Variants in GCH1 observed in about 807,000 individuals in gnomAD.
The protein encoded by GCH1 is GTP cyclohydrolase 1, also known as GTP cyclohydrolase I.
In GCH1, 5 loss-of-function variants were observed where a neutral mutation model predicts 25.9. That is an observed-to-expected ratio of 0.19 (90% CI 0.10 to 0.41). The LOEUF is 0.41. GCH1 is among the 10% of genes least tolerant of loss of function. The probability of loss-of-function intolerance (pLI) is 1.00; values close to 1 mark genes in which losing one functional copy is unlikely to be tolerated. For synonymous variants in GCH1, 159 were observed against 129.6 expected, an observed-to-expected ratio of 1.23 and a Z score of -1.54; for missense variants, 261 against 336.5, an observed-to-expected ratio of 0.78 and a Z score of 1.75.
chr14:54,883,898 G>T (rs2040310277), intron 1 of GCH1, among the ~76,000 whole-genome samples: 2 of 152,120 alleles, frequency 1.3e-5, no homozygotes, highest in African/African-American at 4.8e-5. Flanking sequence ...AGGTGAGGCA[G>T]GAAGGACCCA....
chr14:54,881,455 A>G (rs75985091), intron 1 of GCH1, among the ~76,000 whole-genome samples: 3 of 151,776 alleles, frequency 2.0e-5, no homozygotes, highest in African/African-American at 7.3e-5. Flanking sequence ...TTCAAAGAGG[A>G]AAAAAAAATC....
chr14:54,864,210 T>C (rs1158463799), intron 2 of GCH1, among the ~76,000 whole-genome samples: 1 of 152,146 alleles, frequency 6.6e-6, no homozygotes, highest in East Asian at 1.9e-4. Flanking sequence ...TTAAGTTTTA[T>C]GCATTTTCTA....
chr14:54,863,141 C>T (rs1191136201), intron 2 of GCH1, among the ~76,000 whole-genome samples: 1 of 151,936 alleles, frequency 6.6e-6, no homozygotes, highest in Non-Finnish European at 1.5e-5. Flanking sequence ...ATTTTAGGGC[C>T]AGGTGCGGTG....
chr14:54,845,426 C>T (rs1226019887), intron 5 of GCH1, among the ~76,000 whole-genome samples: 1 of 151,170 alleles, frequency 6.6e-6, no homozygotes, highest in Admixed American at 6.6e-5. Flanking sequence ...TGCAGTGAGC[C>T]GAGATTGCAC....
At chr14:54,894,051 A>C (rs79400123) in intron 1 of GCH1, among the ~76,000 whole-genome samples, 1 of 152,228 alleles carries the variant, frequency 6.6e-6, no homozygotes, top group Non-Finnish European at 1.5e-5. Context: ...CTTGATGATC[A>C]ATGAAATTGT....
chr14:54,872,212 A>G (rs918540060), intron 1 of GCH1, among the ~76,000 whole-genome samples: 1 of 152,136 alleles, frequency 6.6e-6, no homozygotes, highest in African/African-American at 2.4e-5. Flanking sequence ...TAAAGAAAAG[A>G]ATTTTCAACC....
Position 54,842,913 on chromosome 14 carries a change from G to C in GCH1, c.*1104C>G, listed in dbSNP as rs748081442. ...ACCCACATAGACCACAAAGGAAACCGGGACCAGAAGCTTCCAGTGCATTTT... is the reference window on the plus strand; with the variant it reads ...ACCCACATAGACCACAAAGGAAACCCGGACCAGAAGCTTCCAGTGCATTTT... On this transcript the variant is annotated 3_prime_UTR_variant, in exon 6 of 6. Coordinates refer to ENST00000491895, the MANE Select transcript of GCH1 (RefSeq NM_000161.3). The C allele has an allele frequency of 1.6e-6, 1 of 610,538 alleles. No individual in the cohort carries two copies. The highest frequency in any genetic ancestry group is 3.0e-6 in the Non-Finnish European group (1 of 335,906). 37.8% of individuals were successfully genotyped at this position (610,538 alleles called of 1,614,324 possible).
In GCH1 at chr14:54,847,073, T is replaced by C; in HGVS notation, c.541+26A>G. On this transcript the variant is annotated intron_variant, in intron 4 of 5. Transcript: ENST00000491895. ...AAAGAAAAAAAAGAAAAATGTTTTC[T>C]GTTAATACAGATTTTTAAAGCTTAC... 3.5e-6 allele frequency: 3 copies of C among 849,972 alleles called. No individual in the cohort carries two copies. In the East Asian group the frequency reaches 7.9e-5, roughly 22 times the overall value. The allele number at this position is 849,972 out of a possible 1,614,324, so 52.7% of individuals were successfully genotyped here.
At chr14:54,847,296 TC>T (rs1211785251) in intron 3 of GCH1, among the ~76,000 whole-genome samples, 166 bp from the exon 4 acceptor site, 2 of 152,210 alleles carry the variant, frequency 1.3e-5, no homozygotes, top group African/African-American at 4.8e-5. Flanking sequence ...GGAGATGTAG[TC>T]TAAAGTCAAC....
chr14:54,868,566 G>A (rs910637780), intron 1 of GCH1, among the ~76,000 whole-genome samples: 13 of 152,074 alleles, frequency 8.5e-5, no homozygotes, highest in African/African-American at 3.1e-4. Context: ...TAATAGTATT[G>A]TACCAATATT....
chr14:54,871,878 A>G (rs966342679), intron 1 of GCH1, among the ~76,000 whole-genome samples: 2 of 152,236 alleles, frequency 1.3e-5, no homozygotes, highest in African/African-American at 4.8e-5. Flanking sequence ...TGATTGGTGT[A>G]CCTGAAAGTG....
rs184658998 is a variant in GCH1 at position 54,870,307 on chromosome 14, G to A, written c.344-4871C>T. 3.4e-3 allele frequency among the ~76,000 whole-genome samples: 406 copies of A among 120,956 alleles called. 2 individuals are homozygous for A. Among genetic ancestry groups the A allele is most frequent in the African/African-American group, 0.012 (379 of 30,480 alleles). The allele number at this position is 120,956 out of a possible 152,430, so 79.4% of individuals were successfully genotyped here. On this transcript the variant is annotated intron_variant, in intron 1 of 5. Coordinates refer to ENST00000491895, the MANE Select transcript of GCH1 (RefSeq NM_000161.3). ...GAGGCCAAGAGTTCAAGACCAGACTGCCCAACCTAGCCAGACTCTGTTTTT... is the reference window on the plus strand; with the variant it reads ...GAGGCCAAGAGTTCAAGACCAGACTACCCAACCTAGCCAGACTCTGTTTTT...
At position 54,897,096 on chromosome 14, in the gene GCH1, G is replaced by A. The variant is rs186885800; in HGVS notation, c.343+5225C>T. On this transcript the variant is annotated intron_variant, in intron 1 of 5. Transcript: ENST00000491895. ...ACAATCTCGGCTCACTGCAACCTCCGCCTCCCGGGTTCAAGTGATTCTCCT... is the reference window on the plus strand; with the variant it reads ...ACAATCTCGGCTCACTGCAACCTCCACCTCCCGGGTTCAAGTGATTCTCCT... Among the ~76,000 whole-genome samples the A allele has an allele frequency of 7.6e-4, 98 of 128,962 alleles. 3 individuals are homozygous for A. The East Asian group carries it at 0.015, about 20-fold the overall frequency. 84.6% of individuals were successfully genotyped at this position (128,962 alleles called of 152,430 possible).
At chr14:54,865,295 A>T in intron 2 of GCH1, 32 bp downstream of exon 2, 1 of 1,044,432 alleles carries the variant, frequency 9.6e-7, no homozygotes, top group Non-Finnish European at 1.5e-6. Flanking sequence ...ACTATGTTTT[A>T]AATTGCTGGG....
chr14:54,879,202 A>G (rs1018469787), intron 1 of GCH1, among the ~76,000 whole-genome samples: 1 of 152,038 alleles, frequency 6.6e-6, no homozygotes, highest in Non-Finnish European at 1.5e-5. Flanking sequence ...AGGTGGATCA[A>G]TTGAGGTCAG....
rs1027067717 is a variant in GCH1 at position 54,843,926 on chromosome 14, A to G, written c.*91T>C. 9.3e-6 allele frequency: 15 copies of G among 1,612,958 alleles called. No individual in the cohort carries two copies. The African/African-American group carries it at 1.3e-4, about 14-fold the overall frequency. On this transcript the variant is annotated 3_prime_UTR_variant, in exon 6 of 6. Coordinates refer to ENST00000491895, the MANE Select transcript of GCH1 (RefSeq NM_000161.3). ...AGGAATAAAGTTCACATCTGTAACA[A>G]TTGAAAATGGAATGTACAAACAAGA...
At chr14:54,846,988 C>T (rs1346401832) in intron 4 of GCH1, 111 bp downstream of exon 4, 1 of 502,586 alleles carries the variant, frequency 2.0e-6, no homozygotes, top group African/African-American at 2.0e-5. Context: ...CGAGATTGCA[C>T]CACTGCACTC....
chr14:54,900,881 AC>A (rs2040556471), intron 1 of GCH1, among the ~76,000 whole-genome samples: 1 of 151,318 alleles, frequency 6.6e-6, no homozygotes, highest in African/African-American at 2.4e-5. Context: ...ACACACACAC[AC>A]ACACACAAAT....
intron 1 of GCH1, among the ~76,000 whole-genome samples, chr14:54,874,138 G>A (rs79159412): frequency 0.45 from 68,760 of 151,916 alleles, 17,222 homozygotes; most frequent in African/African-American, 0.68. Context: ...CAAAAAGCTT[G>A]TCCACCAGAT....
Sources: gnomAD v4.1 joint callset for allele counts (sites outside exome capture counted in the v4.1 genomes callset) on GRCh38, gnomAD v4.1.1 for gene constraint, MANE v1.5 for transcripts, NCBI Gene and HGNC (gene_info 2026-07-23, HGNC 2026-07-21) for gene names.